The following PXK variants were observed in gnomAD, a reference collection of about 807,000 sequenced individuals.
The protein encoded by PXK is PX domain containing serine/threonine kinase like.
Under a neutral mutation model 84.7 loss-of-function variants are expected in PXK, and 35 were observed. The ratio of observed to expected loss-of-function variants is 0.41; its 90% confidence interval spans 0.32 to 0.55. The LOEUF is 0.55. PXK is among the 20% of genes least tolerant of loss of function. The probability of loss-of-function intolerance (pLI) is 0.21; values close to 1 mark genes in which losing one functional copy is unlikely to be tolerated. For missense variants in PXK, 634 were observed against 699.7 expected (o/e 0.91, Z 1.06); for synonymous variants, 253 against 260.8 (o/e 0.97, Z 0.29).
chr3:58,399,388 C>T lies in PXK; in HGVS notation c.1181+11C>T. ...GCTCTTACAGATGCCGTAAGTCAAT[C>T]ATATGCGTTGGTTGTAATCTTGATA... On this transcript the variant is annotated intron_variant, in intron 12 of 17. Transcript: ENST00000356151. This position sits in a 1 kb window ranked among gnomAD's most constrained non-coding sequence, Gnocchi z 4.3. 1 of 1,605,364 alleles carries T rather than the reference C, an allele frequency of 6.2e-7. No homozygotes were observed.
chr3:58,415,542 C>T (rs958485231), intron 17 of PXK, among the ~76,000 whole-genome samples: 1 of 152,266 alleles, frequency 6.6e-6, no homozygotes, highest in Admixed American at 6.5e-5. Flanking sequence ...TCCGCATGTT[C>T]AGCTATCAGG....
At chr3:58,396,947 T>C in intron 9 of PXK, 92 bp from the exon 10 acceptor site, 1 of 1,376,284 alleles carries the variant, frequency 7.3e-7, no homozygotes, top group Non-Finnish European at 9.9e-7. Flanking sequence ...TTTGGTTTTG[T>C]TTCAAAATAT....
In PXK at chr3:58,390,236, A is replaced by G. The variant is rs1227355275; in HGVS notation, c.389-346A>G. Among the ~76,000 whole-genome samples the G allele has an allele frequency of 6.6e-6, 1 of 152,092 alleles. No homozygotes were observed. Among genetic ancestry groups the G allele is most frequent in the Non-Finnish European group, 1.5e-5 (1 of 68,018 alleles). On this transcript the variant is annotated intron_variant, in intron 4 of 17. Coordinates refer to ENST00000356151, the MANE Select transcript of PXK (RefSeq NM_017771.5). The surrounding 1 kb of genome is among the most constrained non-coding windows in gnomAD (Gnocchi z 4.2). ...TGCAATGATAGTACAGAAAATTGCCATATACTTCTCACCCAGTTTCTCCTA... is the reference window on the plus strand; with the variant it reads ...TGCAATGATAGTACAGAAAATTGCCGTATACTTCTCACCCAGTTTCTCCTA...
At chr3:58,422,153 C>T (rs750246115) in intron 17 of PXK, 123 of 985,226 alleles carry the variant, frequency 1.2e-4, no homozygotes, top group Non-Finnish European at 1.4e-4. Context: ...GCTTGTGGAC[C>T]ATGGAAAGGG....
intron 3 of PXK, among the ~76,000 whole-genome samples, chr3:58,378,512 T>TTGTGTG (rs71091375): frequency 0.012 from 339 of 27,808 alleles, 4 homozygotes; most frequent in East Asian, 0.042. Flanking sequence ...TTTTTTTTTT[T>TTGTGTG]TGTGTGTGTG....
At chr3:58,351,614 G>A (rs2097926870) in intron 1 of PXK, among the ~76,000 whole-genome samples, 1 of 151,874 alleles carries the variant, frequency 6.6e-6, no homozygotes. Flanking sequence ...AGCAAACTGA[G>A]AAACTTTTCC....
chr3:58,398,266 A>C lies in PXK; in HGVS notation c.1102+544A>C, dbSNP rs1373674074. Reference sequence around the variant, plus strand: ...AATTACAAAAATTAGCTGGGCGTGGAGGTGCATGCCTGTAATCCCAGCTTT... The same window carrying C: ...AATTACAAAAATTAGCTGGGCGTGGCGGTGCATGCCTGTAATCCCAGCTTT... On this transcript the variant is annotated intron_variant, in intron 11 of 17. Transcript: ENST00000356151. This position sits in a 1 kb window ranked among gnomAD's most constrained non-coding sequence, Gnocchi z 4.5. Among the ~76,000 whole-genome samples, 1 of 152,106 alleles carries C rather than the reference A, an allele frequency of 6.6e-6. No homozygotes were observed. Among genetic ancestry groups the C allele is most frequent in the Non-Finnish European group, 1.5e-5 (1 of 68,008 alleles).
At chr3:58,367,291 C>CTGCA (rs2098286960) in intron 2 of PXK, among the ~76,000 whole-genome samples, 1 of 151,852 alleles carries the variant, frequency 6.6e-6, no homozygotes, top group Admixed American at 6.6e-5. Context: ...GTCACCCAGG[C>CTGCA]TGCAGTGCAG....
At chr3:58,392,783 T>C (rs1204972150) in intron 7 of PXK, among the ~76,000 whole-genome samples, 1 of 151,670 alleles carries the variant, frequency 6.6e-6, no homozygotes, top group Non-Finnish European at 1.5e-5. Flanking sequence ...TGCCTCAGCC[T>C]CCCAAGTAGC....
chr3:58,421,936 G>A lies in PXK; in HGVS notation c.1529-2816G>A. ...ATGGAATCGGTCTGCTCTCATATGT[G>A]GCCTGGAGATAAGGGTATTGGAGGT... On this transcript the variant is annotated intron_variant, in intron 17 of 17. Coordinates refer to ENST00000356151, the MANE Select transcript of PXK (RefSeq NM_017771.5). The surrounding 1 kb of genome is among the most constrained non-coding windows in gnomAD (Gnocchi z 5.5). 7.1e-6 allele frequency: 7 copies of A among 985,414 alleles called. No individual in the cohort carries two copies. The highest frequency in any genetic ancestry group is 8.4e-6 in the Non-Finnish European group (7 of 829,930). 61.0% of individuals were successfully genotyped at this position (985,414 alleles called of 1,614,324 possible). A position where few individuals can be genotyped will look rare whatever the true frequency, so the allele number is the denominator to read the frequency against.
chr3:58,382,707 G>A lies in PXK; in HGVS notation c.388+7G>A, dbSNP rs573468468. The A allele has an allele frequency of 7.2e-6, 11 of 1,519,130 alleles. No individual in the cohort carries two copies. In the East Asian group the frequency reaches 1.5e-4, roughly 20 times the overall value. 94.1% of individuals were successfully genotyped at this position (1,519,130 alleles called of 1,614,324 possible). ...TATTCCGCAAACTATACTGGTAAGC[G>A]AAGGAATCTGTGAATTATGGTCACA... On this transcript the variant is annotated splice_region_variant and intron_variant, in intron 4 of 17. Transcript: ENST00000356151.
At position 58,407,346 on chromosome 3, in the gene PXK, A is replaced by G. The variant is rs1344539836; in HGVS notation, c.1231-1578A>G. 6.6e-6 allele frequency among the ~76,000 whole-genome samples: 1 copy of G among 152,104 alleles called. No homozygotes were observed. Among genetic ancestry groups the G allele is most frequent in the African/African-American group, 2.4e-5 (1 of 41,428 alleles). ...TTTCATATGTTTTTTGGCCATTTGTATATTTTCTTTAGAGAAATGTCTATG... is the reference window on the plus strand; with the variant it reads ...TTTCATATGTTTTTTGGCCATTTGTGTATTTTCTTTAGAGAAATGTCTATG... On this transcript the variant is annotated intron_variant, in intron 13 of 17. Coordinates refer to ENST00000356151, the MANE Select transcript of PXK (RefSeq NM_017771.5). This position sits in a 1 kb window ranked among gnomAD's most constrained non-coding sequence, Gnocchi z 4.3.
intron 4 of PXK, among the ~76,000 whole-genome samples, chr3:58,389,156 A>G (rs1230610600): frequency 6.6e-6 from 1 of 152,180 alleles, no homozygotes; most frequent in Admixed American, 6.5e-5. Flanking sequence ...AAATGAACAG[A>G]AAAAGAGGAT....
chr3:58,410,258 G>A, intron 16 of PXK, 99 bp downstream of exon 16: 1 of 825,076 alleles, frequency 1.2e-6, no homozygotes, highest in Non-Finnish European at 2.0e-6. Context: ...GCCAGAAACT[G>A]GGCAATGTAG....
chr3:58,381,461 G>A (rs1487322155), intron 3 of PXK, among the ~76,000 whole-genome samples: 5 of 147,464 alleles, frequency 3.4e-5, no homozygotes, highest in Non-Finnish European at 1.5e-5. Flanking sequence ...TTGGACTCTG[G>A]AAGGTACCCT....
At chr3:58,363,394 A>G (rs1239502516) in intron 1 of PXK, among the ~76,000 whole-genome samples, 2 of 152,182 alleles carry the variant, frequency 1.3e-5, no homozygotes, top group Non-Finnish European at 2.9e-5. Context: ...GCGGGTGCCA[A>G]CATGGCTCAC....
intron 1 of PXK, among the ~76,000 whole-genome samples, chr3:58,352,447 G>A (rs141359069): frequency 0.012 from 1,901 of 152,350 alleles, 24 homozygotes; most frequent in Middle Eastern, 0.024. Context: ...GTAGTGGGTA[G>A]TTCTCTGAGA....
At chr3:58,377,748 A>G (rs1311241486) in intron 3 of PXK, among the ~76,000 whole-genome samples, 1 of 152,228 alleles carries the variant, frequency 6.6e-6, no homozygotes. Flanking sequence ...ATACACAAAC[A>G]CACTCTGAAG....
At chr3:58,367,249 CTT>C (rs374016533) in intron 2 of PXK, among the ~76,000 whole-genome samples, 2 of 143,338 alleles carry the variant, frequency 1.4e-5, no homozygotes. Flanking sequence ...TTAATAAAAG[CTT>C]TTTTTTTTTT....
Sources: allele counts gnomAD v4.1 joint callset (sites outside exome capture counted in the v4.1 genomes callset), GRCh38; gene constraint gnomAD v4.1.1; non-coding constraint Gnocchi (gnomAD v3.1); transcripts MANE v1.5; gene names NCBI Gene and HGNC (gene_info 2026-07-23, HGNC 2026-07-21).